CENPT: variants seen among roughly 807,000 people sequenced by gnomAD.
CENPT encodes the protein centromere protein T, also known as interphase centromere complex protein 22.
In CENPT, 42 loss-of-function variants were observed where a neutral mutation model predicts 59.7. That is an observed-to-expected ratio of 0.70 (90% CI 0.55 to 0.91). CENPT has a LOEUF of 0.91. Among genes scored for constraint, CENPT ranks in the 40% least tolerant of loss-of-function variants. The probability of loss-of-function intolerance (pLI) is 0.00; values close to 1 mark genes in which losing one functional copy is unlikely to be tolerated. For missense variants in CENPT, 716 were observed against 713.4 expected (o/e 1.00, Z -0.04); for synonymous variants, 295 against 289.6 (o/e 1.02, Z -0.19).
At position 67,833,911 on chromosome 16, in the gene CENPT, T is replaced by C. The variant is rs781565239; in HGVS notation, c.-52A>G. 2.2e-5 allele frequency: 26 copies of C among 1,195,432 alleles called. No individual in the cohort carries two copies. Among genetic ancestry groups the C allele is most frequent in the Non-Finnish European group, 2.9e-5 (26 of 889,284 alleles). The allele number at this position is 1,195,432 out of a possible 1,614,324, so 74.1% of individuals were successfully genotyped here. A position where few individuals can be genotyped will look rare whatever the true frequency, so the allele number is the denominator to read the frequency against. On this transcript the variant is annotated 5_prime_UTR_variant, in exon 4 of 16. Transcript: ENST00000562787. ...GCCCAGCCAGCTGCAGGCTCCGCCT[T>C]CCCGCCGCCACAGTTAATGTAACTC...
chr16:67,839,811 T>C (rs1189122064), intron 1 of CENPT, among the ~76,000 whole-genome samples: 1 of 150,524 alleles, frequency 6.6e-6, no homozygotes, highest in Admixed American at 6.7e-5. Context: ...GAGGTGGAGG[T>C]TGCAGTAAGC....
chr16:67,829,929 C>T lies in CENPT; in HGVS notation c.1022G>A (p.Gly341Asp), dbSNP rs750304510. 8.7e-6 allele frequency: 14 copies of T among 1,614,246 alleles called. No homozygotes were observed. In the South Asian group the frequency reaches 1.3e-4, roughly 15 times the overall value. The change falls in exon 12 of 16, where the codon GGT becomes GAT. Residue 341 changes from glycine (G) to aspartate (D), a missense_variant. Physicochemically the swap from Gly to Asp is moderately conservative, Grantham distance 94 (BLOSUM62 -1). Coordinates refer to ENST00000562787, the MANE Select transcript of CENPT (RefSeq NM_025082.4). The stretch of plus-strand genomic sequence containing the variant: ...TGCCTCCATTTCACTCACACTCACA[C>T]CTTCTTCTTCCATCTTTTTCTCTGC... ...EEAEKKMEEE[G>D]VSVSEMEATG...
At chr16:67,829,680 G>A (rs748026146) in intron 12 of CENPT, 85 bp downstream of exon 12, 380 of 1,472,844 alleles carry the variant, frequency 2.6e-4, no homozygotes, top group Non-Finnish European at 3.3e-4. Flanking sequence ...ACCAGTGCCC[G>A]GAAACACAAC....
In CENPT at chr16:67,831,698, A is replaced by C. The variant is rs570946463; in HGVS notation, c.523+56T>G. 4.4e-6 allele frequency: 7 copies of C among 1,600,946 alleles called. No homozygotes were observed. The African/African-American group carries it at 8.0e-5, about 18-fold the overall frequency. On this transcript the variant is annotated intron_variant, in intron 8 of 15. Transcript: ENST00000562787. Reference sequence around the variant, plus strand: ...TGAGGGCCCTCTCTCAGGACTCCTCAGCCTCTCCAGAGGACAGGAGGGAGA... The same window carrying C: ...TGAGGGCCCTCTCTCAGGACTCCTCCGCCTCTCCAGAGGACAGGAGGGAGA...
intron 1 of CENPT, among the ~76,000 whole-genome samples, chr16:67,837,872 T>C (rs1165643020): frequency 6.6e-6 from 1 of 152,192 alleles, no homozygotes; most frequent in African/African-American, 2.4e-5. Flanking sequence ...TATGGGGTCT[T>C]GCAAGCTCTG....
rs915555756 is a variant in CENPT at position 67,835,664 on chromosome 16, A to G, written c.-491-6T>C. 2.0e-5 allele frequency: 3 copies of G among 150,598 alleles called. No homozygotes were observed. The highest frequency in any genetic ancestry group is 4.2e-4 in the South Asian group (2 of 4,746). 9.3% of individuals were successfully genotyped at this position (150,598 alleles called of 1,614,324 possible). On this transcript the variant is annotated splice_polypyrimidine_tract_variant and splice_region_variant and intron_variant, in intron 1 of 15. Transcript: ENST00000562787. ...GCGACTAAGCAAGACTCCATCTCGGAAAAAAAAAATTAAGCAAAAAATTAG... is the reference window on the plus strand; with the variant it reads ...GCGACTAAGCAAGACTCCATCTCGGGAAAAAAAAATTAAGCAAAAAATTAG...
intron 10 of CENPT, chr16:67,830,844 G>C: frequency 1.9e-6 from 1 of 516,148 alleles, no homozygotes; most frequent in Non-Finnish European, 3.5e-6. Flanking sequence ...TGCTTGTTCT[G>C]CTCCGTCTTC....
chr16:67,832,410 C>G (rs1483753695), intron 5 of CENPT, 45 bp downstream of exon 5: 14 of 1,610,648 alleles, frequency 8.7e-6, no homozygotes, highest in Non-Finnish European at 1.1e-5. Context: ...ACCCCCCTCC[C>G]CGAGGCAGCC....
chr16:67,832,226 A>C lies in CENPT; in HGVS notation c.289+2T>G. On this transcript the variant is annotated splice_donor_variant, in intron 6 of 15. Transcript: ENST00000562787. LOFTEE classifies it high-confidence loss of function. ...CTGACCGGCAGGCCAGCGCTCACTTACCAGTTAGTAGGATGTTCTTCAGCA... is the reference window on the plus strand; with the variant it reads ...CTGACCGGCAGGCCAGCGCTCACTTCCCAGTTAGTAGGATGTTCTTCAGCA... 1.2e-6 allele frequency: 2 copies of C among 1,614,082 alleles called. No individual in the cohort carries two copies. Among genetic ancestry groups the C allele is most frequent in the Non-Finnish European group, 1.7e-6 (2 of 1,179,956 alleles).
In CENPT at chr16:67,842,921, C is replaced by A; in HGVS notation, c.-492+4480G>T. 1 of 747,584 alleles carries A rather than the reference C, an allele frequency of 1.3e-6. No homozygotes were observed. Among genetic ancestry groups the A allele is most frequent in the Non-Finnish European group, 1.7e-6 (1 of 597,006 alleles). 46.3% of individuals were successfully genotyped at this position (747,584 alleles called of 1,614,324 possible). A position where few individuals can be genotyped will look rare whatever the true frequency, so the allele number is the denominator to read the frequency against. ...GCAGCAACAGCAGCAGCAGCAGCAA[C>A]AGCAGCAGCAGCAGCAGCAGCAGCA... On this transcript the variant is annotated intron_variant, in intron 1 of 15. Coordinates refer to ENST00000562787, the MANE Select transcript of CENPT (RefSeq NM_025082.4). The surrounding 1 kb of genome is among the most constrained non-coding windows in gnomAD (Gnocchi z 4.9).
At chr16:67,838,646 G>A (rs1321132564) in intron 1 of CENPT, among the ~76,000 whole-genome samples, 1 of 151,540 alleles carries the variant, frequency 6.6e-6, no homozygotes, top group East Asian at 1.9e-4. Context: ...AAAAAAAAAT[G>A]GCCAGGCGCG....
intron 1 of CENPT, among the ~76,000 whole-genome samples, chr16:67,836,734 T>C (rs374731757): frequency 3.3e-5 from 5 of 151,998 alleles, no homozygotes; most frequent in African/African-American, 1.2e-4. Flanking sequence ...CCACCACGCA[T>C]GGCTGATTTT....
In CENPT at chr16:67,847,600, G is replaced by A. The variant is rs1182816692; in HGVS notation, c.-691C>T. 1 of 152,474 alleles carries A rather than the reference G, an allele frequency of 6.6e-6. No homozygotes were observed. The highest frequency in any genetic ancestry group is 1.9e-4 in the East Asian group (1 of 5,202). 9.4% of individuals were successfully genotyped at this position (152,474 alleles called of 1,614,324 possible). On this transcript the variant is annotated 5_prime_UTR_variant, in exon 1 of 16. Transcript: ENST00000562787. ...CTTACCGCGCCCTTTGTGGAGCCCG[G>A]ACTGGAGTTCTCGCAGGGAGGGCAG...
Position 67,833,902 on chromosome 16 carries a change from G to A in CENPT, c.-43C>T, listed in dbSNP as rs371179336. ...CTCCTAACCGCCCAGCCAGCTGCAG[G>A]CTCCGCCTTCCCGCCGCCACAGTTA... On this transcript the variant is annotated 5_prime_UTR_variant, in exon 4 of 16. Coordinates refer to ENST00000562787, the MANE Select transcript of CENPT (RefSeq NM_025082.4). 4.6e-6 allele frequency: 6 copies of A among 1,301,128 alleles called. No homozygotes were observed. In the South Asian group the frequency reaches 6.3e-5, roughly 14 times the overall value. The allele number at this position is 1,301,128 out of a possible 1,614,324, so 80.6% of individuals were successfully genotyped here. A position where few individuals can be genotyped will look rare whatever the true frequency, so the allele number is the denominator to read the frequency against.
intron 1 of CENPT, among the ~76,000 whole-genome samples, chr16:67,841,193 CAAA>C (rs772893427): frequency 7.6e-4 from 21 of 27,562 alleles, no homozygotes; most frequent in African/African-American, 1.9e-3. Flanking sequence ...GACTCCTTTA[CAAA>C]AAAAAAAAAA....
chr16:67,828,746 G>A lies in CENPT; in HGVS notation c.1378C>T (p.Leu460=). 1 of 1,613,472 alleles carries A rather than the reference G, an allele frequency of 6.2e-7. No individual in the cohort carries two copies. Among genetic ancestry groups the A allele is most frequent in the Non-Finnish European group, 8.5e-7 (1 of 1,179,874 alleles). The change falls in exon 14 of 16, where the codon CTG becomes TTG. Residue 460 remains leucine (L), a synonymous_variant. Coordinates refer to ENST00000562787, the MANE Select transcript of CENPT (RefSeq NM_025082.4). Reference sequence around the variant, plus strand: ...CTAAAGAGTTTCACATAGTGGCTCAGTCCAGCCTTGTGGGGATCTTGCCGG... The same window carrying A: ...CTAAAGAGTTTCACATAGTGGCTCAATCCAGCCTTGTGGGGATCTTGCCGG... ...RPRQDPHKAG[L]SHYVKLFSFY... is the part of the protein sequence containing the mutation.
At position 67,828,741 on chromosome 16, in the gene CENPT, G is replaced by T. The variant is rs753397358; in HGVS notation, c.1383C>A (p.Ser461Arg). Residue 461 changes from serine to arginine, a missense_variant, in exon 14 of 16, where the codon AGC (serine) becomes AGA (arginine). Transcript: ENST00000562787. The part of the protein sequence containing the change: ...PRQDPHKAGL[S>R]HYVKLFSFYA... ...AGAAGCTAAAGAGTTTCACATAGTG[G>T]CTCAGTCCAGCCTTGTGGGGATCTT... 5 of 1,614,014 alleles carry T rather than the reference G, an allele frequency of 3.1e-6. No individual in the cohort carries two copies. Among genetic ancestry groups the T allele is most frequent in the Non-Finnish European group, 4.2e-6 (5 of 1,179,980 alleles).
In CENPT at chr16:67,828,314, G is replaced by A. The variant is rs772712788; in HGVS notation, c.1639C>T (p.Leu547Phe). 6 of 1,608,970 alleles carry A rather than the reference G, an allele frequency of 3.7e-6. No homozygotes were observed. Among genetic ancestry groups the A allele is most frequent in the Non-Finnish European group, 4.3e-6 (5 of 1,176,130 alleles). Residue 547 changes from leucine (L) to phenylalanine (F), a missense_variant, in exon 16 of 16, where the codon CTC becomes TTC. Transcript: ENST00000562787. ...RHLPLEYRQL[L>F]IPCAYSGNSV... ...TTGCCACTGTATGCACAGGGGATGA[G>A]CAGCTGCCGGTACTCCAGGGGCAGG...
chr16:67,842,284 T>G lies in CENPT; in HGVS notation c.-492+5117A>C. On this transcript the variant is annotated intron_variant, in intron 1 of 15. Coordinates refer to ENST00000562787, the MANE Select transcript of CENPT (RefSeq NM_025082.4). The surrounding 1 kb of genome is among the most constrained non-coding windows in gnomAD (Gnocchi z 4.9). Reference sequence around the variant, plus strand: ...CTGGCGCGGGGCATTGTGGGGGGCGTAGTCTCTTTCTCAGGCGGTCCTTCG... The same window carrying G: ...CTGGCGCGGGGCATTGTGGGGGGCGGAGTCTCTTTCTCAGGCGGTCCTTCG... The G allele has an allele frequency of 1.9e-5, 3 of 160,536 alleles. No homozygotes were observed. The highest frequency in any genetic ancestry group is 6.4e-5 in the Admixed American group (1 of 15,584). The allele number at this position is 160,536 out of a possible 1,614,324, so 9.9% of individuals were successfully genotyped here. A position where few individuals can be genotyped will look rare whatever the true frequency, so the allele number is the denominator to read the frequency against.
Sources: allele counts gnomAD v4.1 joint callset (sites outside exome capture counted in the v4.1 genomes callset), GRCh38; gene constraint gnomAD v4.1.1; non-coding constraint Gnocchi (gnomAD v3.1); transcripts MANE v1.5; gene names NCBI Gene and HGNC (gene_info 2026-07-23, HGNC 2026-07-21).